CDK8: variants seen among roughly 807,000 people sequenced by gnomAD.
The protein encoded by CDK8 is cyclin dependent kinase 8.
Under a neutral mutation model 71.5 loss-of-function variants are expected in CDK8, and 29 were observed. The observed-to-expected ratio is 0.41, with a 90% CI of 0.30 to 0.55. The LOEUF (loss-of-function observed/expected upper bound fraction) is 0.55, where lower values mean the gene tolerates loss of function less well. CDK8 is among the 20% of genes least tolerant of loss of function. CDK8 has a pLI of 0.37. For synonymous variants in CDK8, 161 were observed against 192.1 expected (o/e 0.84, Z 1.34); for missense variants, 288 against 572.6 (o/e 0.50, Z 5.07).
At chr13:26,309,203 G>T (rs1007721224) in intron 1 of CDK8, among the ~76,000 whole-genome samples, 1 of 149,870 alleles carries the variant, frequency 6.7e-6, no homozygotes, top group Non-Finnish European at 1.5e-5. Context: ...GCGGTGGCGC[G>T]ATCTCAGCTC....
intron 4 of CDK8, among the ~76,000 whole-genome samples, chr13:26,366,409 T>A (rs1326288779): frequency 6.6e-6 from 1 of 152,074 alleles, no homozygotes; most frequent in East Asian, 1.9e-4. Context: ...CAATGAGAAG[T>A]TTCCTCAATA....
intron 1 of CDK8, among the ~76,000 whole-genome samples, chr13:26,331,439 G>C (rs1347508348): frequency 3.9e-5 from 6 of 152,072 alleles, no homozygotes. Flanking sequence ...AAGCTTTTTT[G>C]TGTAATAAAG....
intron 5 of CDK8, among the ~76,000 whole-genome samples, chr13:26,384,500 A>T (rs1217610957): frequency 6.6e-6 from 1 of 152,230 alleles, no homozygotes; most frequent in Admixed American, 6.5e-5. Context: ...GTATAGCAGG[A>T]TAAACAGCCA....
At chr13:26,263,200 A>G (rs781670441) in intron 1 of CDK8, among the ~76,000 whole-genome samples, 1 of 151,856 alleles carries the variant, frequency 6.6e-6, no homozygotes, top group Non-Finnish European at 1.5e-5. Context: ...CAATGGCGCG[A>G]TCTCCGCTCA....
chr13:26,301,967 C>T (rs1401101031), intron 1 of CDK8, among the ~76,000 whole-genome samples: 1 of 152,212 alleles, frequency 6.6e-6, no homozygotes, highest in African/African-American at 2.4e-5. Context: ...TTGCATATTA[C>T]ATTCTCTATT....
chr13:26,354,846 T>C (rs770081282), intron 4 of CDK8, among the ~76,000 whole-genome samples: 19 of 152,206 alleles, frequency 1.2e-4, no homozygotes, highest in Non-Finnish European at 4.4e-5. Flanking sequence ...TTTCATGGAT[T>C]TAAATTACCT....
chr13:26,372,056 A>T (rs886918887), intron 4 of CDK8, among the ~76,000 whole-genome samples: 3 of 152,228 alleles, frequency 2.0e-5, no homozygotes, highest in Non-Finnish European at 4.4e-5. Flanking sequence ...TCAAATAAAT[A>T]ACCACTCAAA....
chr13:26,397,436 G>A (rs1221051153), intron 9 of CDK8, among the ~76,000 whole-genome samples: 1 of 152,002 alleles, frequency 6.6e-6, no homozygotes, highest in Non-Finnish European at 1.5e-5. Context: ...ACTAATGTTT[G>A]GTCACATTAG....
At chr13:26,311,335 T>C (rs1168663963) in intron 1 of CDK8, among the ~76,000 whole-genome samples, 1 of 143,070 alleles carries the variant, frequency 7.0e-6, no homozygotes, top group African/African-American at 2.4e-5. Flanking sequence ...TTCTCTTTTC[T>C]TTCTTCCTTC....
chr13:26,348,105 G>C (rs868698889), intron 2 of CDK8, among the ~76,000 whole-genome samples: 5 of 151,750 alleles, frequency 3.3e-5, no homozygotes, highest in South Asian at 2.1e-4. Flanking sequence ...TATATATATA[G>C]ATATGCATAG....
At chr13:26,379,024 G>A (rs1258188613) in intron 4 of CDK8, among the ~76,000 whole-genome samples, 1 of 152,152 alleles carries the variant, frequency 6.6e-6, no homozygotes, top group African/African-American at 2.4e-5. Context: ...GGCCTTTCCT[G>A]TGTTTTTCTC....
chr13:26,281,510 T>C (rs1872743140), intron 1 of CDK8, among the ~76,000 whole-genome samples: 1 of 107,268 alleles, frequency 9.3e-6, no homozygotes, highest in South Asian at 2.8e-4. Flanking sequence ...ATTTTTCCAC[T>C]GAAATAGTCT....
At chr13:26,264,264 T>TG (rs1871922867) in intron 1 of CDK8, among the ~76,000 whole-genome samples, 1 of 145,252 alleles carries the variant, frequency 6.9e-6, no homozygotes, top group African/African-American at 2.9e-5. Context: ...TAGCTGCCGT[T>TG]CTTTTTTTTC....
intron 6 of CDK8, among the ~76,000 whole-genome samples, chr13:26,391,607 A>G (rs1004669980): frequency 2.0e-5 from 3 of 152,244 alleles, no homozygotes; most frequent in East Asian, 3.8e-4. Flanking sequence ...CTATGTGGCC[A>G]TTGATTATCA....
At chr13:26,299,888 T>G (rs1203378536) in intron 1 of CDK8, among the ~76,000 whole-genome samples, 1 of 152,210 alleles carries the variant, frequency 6.6e-6, no homozygotes, top group South Asian at 2.1e-4. Context: ...TTAGGCTTGC[T>G]GGGCCATGTA....
chr13:26,279,747 T>C (rs1290040225), intron 1 of CDK8, among the ~76,000 whole-genome samples: 1 of 152,224 alleles, frequency 6.6e-6, no homozygotes, highest in African/African-American at 2.4e-5. Context: ...GAACAATTTG[T>C]AACATTTGAG....
chr13:26,364,428 C>T (rs1191015402), intron 4 of CDK8, among the ~76,000 whole-genome samples: 2 of 152,130 alleles, frequency 1.3e-5, no homozygotes, highest in African/African-American at 4.8e-5. Context: ...AGCCCTTGCA[C>T]TAGAAAATTC....
At chr13:26,267,584 A>C (rs887671391) in intron 1 of CDK8, among the ~76,000 whole-genome samples, 1 of 152,154 alleles carries the variant, frequency 6.6e-6, no homozygotes, top group Non-Finnish European at 1.5e-5. Flanking sequence ...AAAAAATTTA[A>C]ATATGTGTTA....
chr13:26,282,530 T>TCACCA (rs1455147232), intron 1 of CDK8, among the ~76,000 whole-genome samples: 1 of 152,156 alleles, frequency 6.6e-6, no homozygotes, highest in African/African-American at 2.4e-5. Context: ...GGATTCACCA[T>TCACCA]CACCACACCA....
Sources: allele counts gnomAD v4.1 joint callset (sites outside exome capture counted in the v4.1 genomes callset), GRCh38; gene constraint gnomAD v4.1.1; transcripts MANE v1.5; gene names NCBI Gene and HGNC (gene_info 2026-07-23, HGNC 2026-07-21).